The following DNAH10 variants were observed in gnomAD, a reference collection of about 807,000 sequenced individuals.
DNAH10 encodes the protein axonemal beta dynein heavy chain 10.
Under a neutral mutation model 506.6 loss-of-function variants are expected in DNAH10, and 348 were observed. The observed-to-expected ratio is 0.69, with a 90% CI of 0.63 to 0.75. DNAH10 has a LOEUF of 0.75. Among genes scored for constraint, DNAH10 ranks in the 30% least tolerant of loss-of-function variants. The pLI, the probability that DNAH10 is intolerant of heterozygous loss-of-function variation, is 0.00. For missense variants in DNAH10, 5,179 were observed against 5,787.1 expected, an observed-to-expected ratio of 0.89 and a Z score of 3.41; for synonymous variants, 2,059 against 2,198.6, an observed-to-expected ratio of 0.94 and a Z score of 1.78.
Position 123,771,592 on chromosome 12 carries a change from G to GT in DNAH10, c.299-5dup. ...ATTATTTTCTCTTAAACTGATTGCT[G>GT]TTTTGCAGCTAAGCGTGTGTCACTG... On this transcript the variant is annotated splice_polypyrimidine_tract_variant and intron_variant, in intron 2 of 78. Coordinates refer to ENST00000673944, the MANE Select transcript of DNAH10 (RefSeq NM_001372106.1). The GT allele has an allele frequency of 6.2e-7, 1 of 1,611,998 alleles. No homozygotes were observed. Among genetic ancestry groups the GT allele is most frequent in the Non-Finnish European group, 8.5e-7 (1 of 1,178,742 alleles).
At chr12:123,772,178 C>T (rs1443718549) in intron 3 of DNAH10, among the ~76,000 whole-genome samples, 2 of 152,170 alleles carry the variant, frequency 1.3e-5, no homozygotes, top group Admixed American at 6.5e-5. Context: ...TACTCAGCTC[C>T]CCTTCATCTC....
intron 39 of DNAH10, among the ~76,000 whole-genome samples, chr12:123,862,071 G>A (rs1951634065): frequency 6.6e-6 from 1 of 152,216 alleles, no homozygotes; most frequent in Non-Finnish European, 1.5e-5. Context: ...GGCCATGGCT[G>A]TTTGACAGGA....
intron 62 of DNAH10, among the ~76,000 whole-genome samples, chr12:123,915,915 C>CT (rs1954457609): frequency 6.6e-6 from 1 of 152,224 alleles, no homozygotes; most frequent in African/African-American, 2.4e-5. Context: ...GGCCCAATCA[C>CT]TTTTTGCTGA....
In DNAH10 at chr12:123,887,139, C is replaced by T. The variant is rs1190261618; in HGVS notation, c.8824-3C>T. On this transcript the variant is annotated splice_region_variant and splice_polypyrimidine_tract_variant and intron_variant, in intron 51 of 78. Coordinates refer to ENST00000673944, the MANE Select transcript of DNAH10 (RefSeq NM_001372106.1). ...GCCCATGTGCTCTGTGTCTGCATCG[C>T]AGGTGTTTGAGATCCTGCTGAGCCG... 2 of 1,602,430 alleles carry T rather than the reference C, an allele frequency of 1.2e-6. No homozygotes were observed. The highest frequency in any genetic ancestry group is 2.3e-5 in the South Asian group (2 of 88,658).
intron 43 of DNAH10, among the ~76,000 whole-genome samples, chr12:123,868,446 CCTAT>C (rs1231114262): frequency 3.9e-5 from 6 of 152,224 alleles, no homozygotes; most frequent in African/African-American, 1.4e-4. Flanking sequence ...TGTGGGCTTC[CCTAT>C]CTGTCTTTTT....
intron 72 of DNAH10, chr12:123,930,096 G>A (rs934892402): frequency 7.7e-6 from 4 of 516,372 alleles, no homozygotes; most frequent in Admixed American, 3.7e-5. Flanking sequence ...AAAGACAGAA[G>A]CAGCTGCTGG....
chr12:123,930,835 G>A (rs545220104), intron 73 of DNAH10, among the ~76,000 whole-genome samples: 9 of 152,214 alleles, frequency 5.9e-5, no homozygotes, highest in African/African-American at 7.2e-5. Flanking sequence ...AGCCATTTTC[G>A]TAAAAGATGA....
In DNAH10 at chr12:123,801,392, G is replaced by A; in HGVS notation, c.2574G>A (p.Val858=). 3 of 1,614,184 alleles carry A rather than the reference G, an allele frequency of 1.9e-6. No homozygotes were observed. Among genetic ancestry groups the A allele is most frequent in the Non-Finnish European group, 2.5e-6 (3 of 1,180,038 alleles). The part of the protein sequence containing the change: ...LKDHSQELLR[V]FRSGYKRLNW... ...ATCATTCCCAGGAACTGCTCCGAGT[G>A]TTTAGGTCGGGATATAAGAGGTTGA... Residue 858 remains valine (V), a synonymous_variant, in exon 16 of 79, where the codon GTG becomes GTA. Coordinates refer to ENST00000673944, the MANE Select transcript of DNAH10 (RefSeq NM_001372106.1).
At chr12:123,772,966 G>A (rs917378160) in intron 4 of DNAH10, 24 bp downstream of exon 4, 2 of 1,535,498 alleles carry the variant, frequency 1.3e-6, no homozygotes, top group African/African-American at 1.4e-5. Context: ...ACGTGTGTGT[G>A]TATGTGTGTT....
chr12:123,896,168 GA>G (rs1953233424), intron 54 of DNAH10, among the ~76,000 whole-genome samples: 1 of 150,578 alleles, frequency 6.6e-6, no homozygotes, highest in Non-Finnish European at 1.5e-5. Flanking sequence ...GAGAGAGAGA[GA>G]GAGAGAGAGA....
intron 50 of DNAH10, 22 bp from the exon 51 acceptor site, chr12:123,881,603 C>CT (rs34756279): frequency 1.3e-3 from 1,793 of 1,424,778 alleles, no homozygotes; most frequent in East Asian, 2.6e-3. Flanking sequence ...GTTTTGAATT[C>CT]TTTTTTTTTT....
intron 36 of DNAH10, among the ~76,000 whole-genome samples, chr12:123,856,666 TTATATGAAA>T (rs1218545729): frequency 6.7e-6 from 1 of 149,754 alleles, no homozygotes; most frequent in African/African-American, 2.4e-5. Context: ...GAAGTACATA[TTATATGAAA>T]TATATGAAAT....
At chr12:123,860,603 T>C (rs1345252016) in intron 38 of DNAH10, among the ~76,000 whole-genome samples, 1 of 152,168 alleles carries the variant, frequency 6.6e-6, no homozygotes, top group Non-Finnish European at 1.5e-5. Flanking sequence ...ATAAGGAGGA[T>C]TGAACATTAG....
intron 55 of DNAH10, among the ~76,000 whole-genome samples, chr12:123,898,260 G>A (rs1953345633): frequency 1.3e-5 from 2 of 152,048 alleles, no homozygotes; most frequent in Non-Finnish European, 2.9e-5. Flanking sequence ...TCCCAGGCTG[G>A]AGTGCAGTGG....
At chr12:123,832,009 TAC>T in intron 26 of DNAH10, among the ~76,000 whole-genome samples, 1 of 152,174 alleles carries the variant, frequency 6.6e-6, no homozygotes, top group East Asian at 1.9e-4. Context: ...CCTTATGCAG[TAC>T]ATGACTGTAC....
intron 18 of DNAH10, among the ~76,000 whole-genome samples, chr12:123,807,648 AG>A (rs2136313081): frequency 6.6e-6 from 1 of 151,860 alleles, no homozygotes; most frequent in African/African-American, 2.4e-5. Context: ...ATCAGGTCAC[AG>A]GGAGCCTGGG....
At chr12:123,933,663 C>T (rs1176011958) in intron 77 of DNAH10, among the ~76,000 whole-genome samples, 152 bp downstream of exon 77, 1 of 152,244 alleles carries the variant, frequency 6.6e-6, no homozygotes, top group Non-Finnish European at 1.5e-5. Context: ...TGTGTCTCTG[C>T]ACTGCCCATG....
In DNAH10 at chr12:123,808,949, C is replaced by T. The variant is rs1958821179; in HGVS notation, c.3140C>T (p.Thr1047Ile). Residue 1047 changes from threonine (T) to isoleucine (I), a missense_variant, in exon 19 of 79, where the codon ACC (threonine) becomes ATC (isoleucine). Coordinates refer to ENST00000673944, the MANE Select transcript of DNAH10 (RefSeq NM_001372106.1). ...TGTGTCCGGAATTGCGTGGAGATCA[C>T]CAAGGTGAGAGCGGAGGTGCTTGTG... ...FHCVRNCVEITKHFVRWMNGS... is the reference protein window; with the variant it reads ...FHCVRNCVEIIKHFVRWMNGS... 2 of 1,613,926 alleles carry T rather than the reference C, an allele frequency of 1.2e-6. No homozygotes were observed. Among genetic ancestry groups the T allele is most frequent in the Admixed American group, 3.3e-5 (2 of 59,974 alleles).
chr12:123,884,423 G>A (rs996310865), intron 51 of DNAH10, among the ~76,000 whole-genome samples: 1 of 152,170 alleles, frequency 6.6e-6, no homozygotes, highest in African/African-American at 2.4e-5. Context: ...TGGACAGCAG[G>A]TGTTCGTTTC....
Sources: allele counts gnomAD v4.1 joint callset (sites outside exome capture counted in the v4.1 genomes callset), GRCh38; gene constraint gnomAD v4.1.1; transcripts MANE v1.5; gene names NCBI Gene and HGNC (gene_info 2026-07-23, HGNC 2026-07-21).